Variants in SAXO1 observed in about 807,000 individuals in gnomAD.
SAXO1 encodes the protein 4930500O09Rik.
In SAXO1, 21 loss-of-function variants were observed where a neutral mutation model predicts 17.5. That is an observed-to-expected ratio of 1.20 (90% CI 0.85 to 1.72). The LOEUF (loss-of-function observed/expected upper bound fraction) is 1.72. Among genes scored for constraint, SAXO1 ranks in the 40% most tolerant of loss-of-function variants. SAXO1 has a pLI of 0.00. For missense variants in SAXO1, 843 were observed against 596.0 expected, an observed-to-expected ratio of 1.41 and a Z score of -4.32; for synonymous variants, 274 against 216.5, an observed-to-expected ratio of 1.27 and a Z score of -2.33.
At chr9:19,038,098 C>G (rs1395315102), upstream of SAXO1, among the ~76,000 whole-genome samples, 1 of 152,156 alleles carries the variant, frequency 6.6e-6, no homozygotes, top group East Asian at 1.9e-4. Context: ...ATTAAAAAGT[C>G]AGGAAACAAC....
chr9:19,039,577 T>C (rs1011359526), intron 1 of SAXO1, among the ~76,000 whole-genome samples: 6 of 152,158 alleles, frequency 3.9e-5, no homozygotes, highest in Non-Finnish European at 8.8e-5. Flanking sequence ...TTTGAGAAAT[T>C]TTAGTATGGT....
intron 1 of SAXO1, among the ~76,000 whole-genome samples, chr9:19,016,414 C>T (rs569477066): frequency 2.0e-5 from 3 of 150,016 alleles, no homozygotes; most frequent in Admixed American, 6.6e-5. Context: ...CCAGCATGGG[C>T]GACAGAGCAA....
chr9:18,930,190 G>A (rs1343198811), intron 3 of SAXO1, among the ~76,000 whole-genome samples: 1 of 152,224 alleles, frequency 6.6e-6, no homozygotes, highest in East Asian at 1.9e-4. Context: ...AAGATTTTCA[G>A]GAGGAAAAGA....
intron 3 of SAXO1, among the ~76,000 whole-genome samples, chr9:18,939,115 C>T (rs912497199): frequency 1.3e-5 from 2 of 152,070 alleles, no homozygotes; most frequent in African/African-American, 4.8e-5. Flanking sequence ...AGAGGAGAGG[C>T]GAGTCCGCCA....
intron 1 of SAXO1, among the ~76,000 whole-genome samples, chr9:18,975,794 G>A (rs920436922): frequency 5.9e-5 from 9 of 152,212 alleles, no homozygotes; most frequent in East Asian, 1.9e-4. Flanking sequence ...AACATTCTTC[G>A]ACCAAGAAAA....
chr9:19,027,650 G>T, intron 1 of SAXO1: 1 of 1,389,900 alleles, frequency 7.2e-7, no homozygotes, highest in African/African-American at 1.4e-5. Flanking sequence ...GGATGCCTTC[G>T]CCCTGGCCAA....
chr9:18,944,343 G>T (rs1563933792), intron 2 of SAXO1, among the ~76,000 whole-genome samples: 1 of 152,168 alleles, frequency 6.6e-6, no homozygotes, highest in Non-Finnish European at 1.5e-5. Flanking sequence ...ATGTTTTTAT[G>T]TTGAGAACAT....
chr9:18,935,946 AGCAGCCCCAGAATAAAACAT>A (rs1831270700), intron 3 of SAXO1, among the ~76,000 whole-genome samples: 1 of 152,184 alleles, frequency 6.6e-6, no homozygotes, highest in Non-Finnish European at 1.5e-5. Context: ...GGGTGATGGA[AGCAGCCCCAGAATAAAACAT>A]CACAGACTCC....
intron 3 of SAXO1, 77 bp downstream of exon 3, chr9:18,941,560 C>T (rs1386830749): frequency 6.5e-7 from 1 of 1,535,742 alleles, no homozygotes; most frequent in Non-Finnish European, 9.0e-7. Context: ...ACTGAGTATG[C>T]ACATAAAACA....
At chr9:18,983,990 CAGGGCTGA>C (rs1421302356) in intron 1 of SAXO1, among the ~76,000 whole-genome samples, 2 of 152,138 alleles carry the variant, frequency 1.3e-5, no homozygotes, top group Non-Finnish European at 2.9e-5. Context: ...CTTTTTGACC[CAGGGCTGA>C]AGAATGGATG....
intron 1 of SAXO1, among the ~76,000 whole-genome samples, chr9:18,965,029 G>A (rs568722911): frequency 2.0e-5 from 3 of 152,186 alleles, no homozygotes; most frequent in African/African-American, 4.8e-5. Context: ...TAGACATTCA[G>A]GAGCAGGTTG....
At chr9:18,934,855 T>C (rs1419529491) in intron 3 of SAXO1, among the ~76,000 whole-genome samples, 3 of 152,228 alleles carry the variant, frequency 2.0e-5, no homozygotes, top group Admixed American at 6.5e-5. Context: ...CCATAGAGTC[T>C]TATCTTCCCT....
chr9:19,014,762 G>A (rs762052586), intron 1 of SAXO1, among the ~76,000 whole-genome samples: 5 of 152,110 alleles, frequency 3.3e-5, no homozygotes, highest in African/African-American at 4.8e-5. Context: ...TGTCTCCTCC[G>A]TTCCTGGGGA....
At chr9:18,944,376 G>A (rs1410596215) in intron 2 of SAXO1, among the ~76,000 whole-genome samples, 4 of 152,088 alleles carry the variant, frequency 2.6e-5, no homozygotes, top group South Asian at 2.1e-4. Flanking sequence ...GTCATTAACC[G>A]CAACATAACT....
At chr9:19,003,231 A>G (rs1834352071) in intron 1 of SAXO1, among the ~76,000 whole-genome samples, 1 of 152,228 alleles carries the variant, frequency 6.6e-6, no homozygotes, top group Admixed American at 6.5e-5. Flanking sequence ...CCACTGCTCA[A>G]CGAAATAAAA....
intron 1 of SAXO1, among the ~76,000 whole-genome samples, chr9:18,995,490 C>T (rs2131852362): frequency 6.6e-6 from 1 of 152,334 alleles, no homozygotes; most frequent in East Asian, 1.9e-4. Flanking sequence ...CTGCTCCTCT[C>T]CCACTAAAGA....
In SAXO1 at chr9:19,014,277, G is replaced by A. The variant is rs576878171; in HGVS notation, c.38+18594C>T. ...GGAGTGCAAGACCAGCCTGGCCAAC[G>A]TGGAGAAACCCTATCTCTACTGAAA... On this transcript the variant is annotated intron_variant, in intron 1 of 3. Coordinates refer to ENST00000380534, the MANE Select transcript of SAXO1 (RefSeq NM_153707.4). Among the ~76,000 whole-genome samples the A allele has an allele frequency of 4.0e-5, 6 of 151,820 alleles. No individual in the cohort carries two copies. In the South Asian group the frequency reaches 6.2e-4, roughly 16 times the overall value.
At chr9:19,020,691 T>C (rs1196623350) in intron 1 of SAXO1, among the ~76,000 whole-genome samples, 1 of 152,208 alleles carries the variant, frequency 6.6e-6, no homozygotes, top group Non-Finnish European at 1.5e-5. Flanking sequence ...CTGTCATCTA[T>C]TATGCTTGCT....
intron 1 of SAXO1, among the ~76,000 whole-genome samples, chr9:19,025,358 G>T (rs1442579480): frequency 6.6e-6 from 1 of 151,892 alleles, no homozygotes; most frequent in African/African-American, 2.4e-5. Flanking sequence ...ATGAAACCAA[G>T]TCCTCAATTT....
Sources: gnomAD v4.1 joint callset for allele counts (sites outside exome capture counted in the v4.1 genomes callset) on GRCh38, gnomAD v4.1.1 for gene constraint, MANE v1.5 for transcripts, NCBI Gene and HGNC (gene_info 2026-07-23, HGNC 2026-07-21) for gene names.